Variants in COL5A2 observed in about 807,000 individuals in gnomAD.
COL5A2 encodes the protein collagen alpha-2(V) chain.
A neutral mutation model predicts 208.2 loss-of-function variants in COL5A2; 23 were observed. That is an observed-to-expected ratio of 0.11 (90% CI 0.08 to 0.16). The LOEUF (loss-of-function observed/expected upper bound fraction) is 0.16, where lower values mean the gene tolerates loss of function less well. Among genes scored for constraint, COL5A2 ranks in the 10% least tolerant of loss-of-function variants. The pLI, the probability that COL5A2 is intolerant of heterozygous loss-of-function variation, is 1.00. For missense variants in COL5A2, 1,590 were observed against 1,956.4 expected (o/e 0.81, Z 3.53); for synonymous variants, 625 against 628.5 (o/e 0.99, Z 0.08).
the COL5A2 span, among the ~76,000 whole-genome samples, chr2:189,416,964 T>C: frequency 6.6e-6 from 1 of 152,196 alleles, no homozygotes; most frequent in Non-Finnish European, 1.5e-5. Context: ...ATTTTTTTTC[T>C]AAATCTTTCA....
At chr2:189,314,540 G>A in the COL5A2 span, among the ~76,000 whole-genome samples, 1 of 151,990 alleles carries the variant, frequency 6.6e-6, no homozygotes, top group African/African-American at 2.4e-5. Flanking sequence ...AGAACAAATA[G>A]TAAACAAATC....
At chr2:189,269,856 C>G in the COL5A2 span, among the ~76,000 whole-genome samples, 1 of 152,118 alleles carries the variant, frequency 6.6e-6, no homozygotes, top group Non-Finnish European at 1.5e-5. Flanking sequence ...AGCTGTGAAT[C>G]CATCTGGTCC....
rs577704305 is a variant in COL5A2 at position 189,136,980 on chromosome 2, T to C, written c.98-26531A>G. ...TGATAATATTCATCATTTTGAAAAA[T>C]AGAAGCCAAATGTCAAATAAAATGC... On this transcript the variant is annotated intron_variant, in intron 1 of 53. Transcript: ENST00000374866. 3.3e-5 allele frequency among the ~76,000 whole-genome samples: 5 copies of C among 152,244 alleles called. No individual in the cohort carries two copies. The South Asian group carries it at 6.2e-4, about 19-fold the overall frequency.
chr2:189,076,382 A>T (rs1018239780), intron 16 of COL5A2, among the ~76,000 whole-genome samples: 1 of 152,224 alleles, frequency 6.6e-6, no homozygotes, highest in African/African-American at 2.4e-5. Flanking sequence ...CGATGGCACA[A>T]TGGAAAATAT....
chr2:189,278,282 T>C, the COL5A2 span, among the ~76,000 whole-genome samples: 2 of 152,154 alleles, frequency 1.3e-5, no homozygotes, highest in African/African-American at 4.8e-5. Context: ...GCTTAATTTC[T>C]GGAAAATTAA....
At chr2:189,075,109 T>C (rs1264461691) in intron 17 of COL5A2, among the ~76,000 whole-genome samples, 6 of 152,222 alleles carry the variant, frequency 3.9e-5, no homozygotes, top group Non-Finnish European at 8.8e-5. Context: ...GCTATATTCT[T>C]GCCCATTTTA....
chr2:189,058,249 C>T (rs545451052), intron 33 of COL5A2, among the ~76,000 whole-genome samples, 180 bp downstream of exon 33: 9 of 152,248 alleles, frequency 5.9e-5, no homozygotes, highest in African/African-American at 1.9e-4. Context: ...TTCTTTTTAG[C>T]TGACACTTTA....
the COL5A2 span, among the ~76,000 whole-genome samples, chr2:189,280,002 A>G: frequency 1.3e-5 from 2 of 152,034 alleles, no homozygotes; most frequent in Admixed American, 6.6e-5. Flanking sequence ...AAGAGACCCA[A>G]GAGAGCTCTC....
chr2:189,404,130 T>A, the COL5A2 span, among the ~76,000 whole-genome samples: 5 of 152,200 alleles, frequency 3.3e-5, no homozygotes, highest in African/African-American at 7.2e-5. Flanking sequence ...AGTGATATGA[T>A]TAATTTTGTG....
chr2:189,139,046 A>G (rs963262328), intron 1 of COL5A2, among the ~76,000 whole-genome samples: 1 of 152,166 alleles, frequency 6.6e-6, no homozygotes, highest in African/African-American at 2.4e-5. Context: ...AGGGTACAGA[A>G]TGGAAAAGGG....
At position 189,052,772 on chromosome 2, in the gene COL5A2, C is replaced by T. The variant is rs763859986; in HGVS notation, c.2692G>A (p.Gly898Ser). 6.2e-7 allele frequency: 1 copy of T among 1,614,136 alleles called. No homozygotes were observed. Residue 898 changes from glycine to serine, a missense_variant, in exon 40 of 54, where the codon GGT becomes AGT. Coordinates refer to ENST00000374866, the MANE Select transcript of COL5A2 (RefSeq NM_000393.5). ...ACAGGCGGACCTTGGGTTCCTCGACCACCTTTTAGTCCAGGAACACCATTA... is the reference window on the plus strand; with the variant it reads ...ACAGGCGGACCTTGGGTTCCTCGACTACCTTTTAGTCCAGGAACACCATTA... ...GPNGVPGLKGGRGTQGPPGAT... is the reference protein window; with the variant it reads ...GPNGVPGLKGSRGTQGPPGAT...
intron 1 of COL5A2, among the ~76,000 whole-genome samples, chr2:189,224,738 G>T: frequency 6.6e-6 from 1 of 151,832 alleles, no homozygotes; most frequent in East Asian, 1.9e-4. Context: ...CAATTTTGAA[G>T]CATGAATAGC....
the COL5A2 span, among the ~76,000 whole-genome samples, chr2:189,325,013 T>C: frequency 1.3e-5 from 2 of 152,282 alleles, no homozygotes; most frequent in African/African-American, 4.8e-5. Flanking sequence ...TCATGTCCTT[T>C]GTAGGGACAT....
At chr2:189,210,129 G>A (rs182917671) in intron 1 of COL5A2, among the ~76,000 whole-genome samples, 1 of 152,126 alleles carries the variant, frequency 6.6e-6, no homozygotes, top group East Asian at 1.9e-4. Flanking sequence ...AAGACATGAG[G>A]GATGAAACAA....
At chr2:189,418,893 T>G in the COL5A2 span, among the ~76,000 whole-genome samples, 4,923 of 152,180 alleles carry the variant, frequency 0.032, 268 homozygotes, top group African/African-American at 0.11. Flanking sequence ...GGGGAGTAAA[T>G]TTAGGCCTCT....
the COL5A2 span, among the ~76,000 whole-genome samples, chr2:189,319,351 C>G: frequency 7.9e-5 from 12 of 152,340 alleles, no homozygotes; most frequent in African/African-American, 2.2e-4. Flanking sequence ...CAAGCGTGAG[C>G]CGAAGCAGGG....
chr2:189,412,203 G>A, the COL5A2 span, among the ~76,000 whole-genome samples: 1 of 152,042 alleles, frequency 6.6e-6, no homozygotes, highest in Admixed American at 6.5e-5. Context: ...CCTGTGAGCC[G>A]CAGTCCCAAA....
At chr2:189,376,156 TA>T in the COL5A2 span, among the ~76,000 whole-genome samples, 1 of 152,230 alleles carries the variant, frequency 6.6e-6, no homozygotes, top group African/African-American at 2.4e-5. Context: ...AAAAAATACT[TA>T]AAATTTTTGC....
the COL5A2 span, among the ~76,000 whole-genome samples, chr2:189,332,991 A>C: frequency 1.3e-5 from 2 of 152,232 alleles, no homozygotes; most frequent in Non-Finnish European, 2.9e-5. Context: ...AATCACGGAG[A>C]AAACTGGAAT....
Sources: allele counts gnomAD v4.1 joint callset (sites outside exome capture counted in the v4.1 genomes callset), GRCh38; gene constraint gnomAD v4.1.1; transcripts MANE v1.5; gene names NCBI Gene and HGNC (gene_info 2026-07-23, HGNC 2026-07-21).